Variants in GLYATL1 observed in about 807,000 individuals in gnomAD.
GLYATL1 encodes the protein glycine N-acyltransferase-like protein 1.
In GLYATL1, 15 loss-of-function variants were observed where a neutral mutation model predicts 20.0. That is an observed-to-expected ratio of 0.75 (90% CI 0.50 to 1.15). The LOEUF (loss-of-function observed/expected upper bound fraction) is 1.15, where lower values mean the gene tolerates loss of function less well. Ranked by LOEUF, GLYATL1 falls within the 50% of genes most tolerant of loss-of-function variation. GLYATL1 has a pLI of 0.00. For missense variants in GLYATL1, 380 were observed against 368.5 expected (o/e 1.03, Z -0.26); for synonymous variants, 151 against 131.5 (o/e 1.15, Z -1.01).
At chr11:58,919,888 C>T (rs1370115947) in intron 1 of GLYATL1, among the ~76,000 whole-genome samples, 4 of 152,172 alleles carry the variant, frequency 2.6e-5, no homozygotes, top group Non-Finnish European at 5.9e-5. Context: ...ATGAGTTCCT[C>T]GGTGGAACTG....
intron 1 of GLYATL1, chr11:58,943,323 G>A (rs1856307812): frequency 1.3e-6 from 2 of 1,550,602 alleles, no homozygotes; most frequent in African/African-American, 2.7e-5. Flanking sequence ...TTCAAATAAG[G>A]CAAGCGCCCA....
chr11:58,931,055 A>G (rs909896477), intron 1 of GLYATL1, among the ~76,000 whole-genome samples: 16 of 152,186 alleles, frequency 1.1e-4, no homozygotes, highest in African/African-American at 3.4e-4. Flanking sequence ...TGTACCACAG[A>G]CTATATGGCC....
chr11:58,955,168 C>T lies in GLYATL1; in HGVS notation c.314-8C>T, dbSNP rs1857296606. ...CTGACAAGATTGCTTTCTTGGCTTT[C>T]TTCCCAGGTCTTCAAGAAAGTTTAG... On this transcript the variant is annotated splice_region_variant and splice_polypyrimidine_tract_variant and intron_variant, in intron 5 of 6. Coordinates refer to ENST00000532726, the MANE Select transcript of GLYATL1 (RefSeq NM_001389712.2). 5 of 1,610,820 alleles carry T rather than the reference C, an allele frequency of 3.1e-6. No homozygotes were observed. Among genetic ancestry groups the T allele is most frequent in the Non-Finnish European group, 2.5e-6 (3 of 1,178,640 alleles).
chr11:58,949,156 T>A (rs1442840769), intron 4 of GLYATL1, among the ~76,000 whole-genome samples: 4 of 152,244 alleles, frequency 2.6e-5, no homozygotes, highest in Non-Finnish European at 5.9e-5. Flanking sequence ...TACTTCCCCT[T>A]TGTGTTTGTG....
upstream of GLYATL1, among the ~76,000 whole-genome samples, chr11:58,938,264 G>T (rs1232172632): frequency 6.6e-6 from 1 of 152,094 alleles, no homozygotes; most frequent in Non-Finnish European, 1.5e-5. Context: ...CTCAAATTTG[G>T]GAACTTTTTT....
At chr11:58,933,338 A>G (rs1352100021) in intron 1 of GLYATL1, among the ~76,000 whole-genome samples, 2 of 152,220 alleles carry the variant, frequency 1.3e-5, no homozygotes, top group Non-Finnish European at 2.9e-5. Flanking sequence ...CACTATTCCT[A>G]TAATCTCAGC....
At chr11:58,927,382 G>C (rs1855451765), upstream of GLYATL1, among the ~76,000 whole-genome samples, 1 of 152,372 alleles carries the variant, frequency 6.6e-6, no homozygotes. Flanking sequence ...GCTGTGGGCT[G>C]TCTGCAAAGC....
chr11:58,945,959 C>T (rs908535123), intron 2 of GLYATL1, among the ~76,000 whole-genome samples: 6 of 152,172 alleles, frequency 3.9e-5, no homozygotes, highest in Non-Finnish European at 8.8e-5. Context: ...TTCACCTTGC[C>T]TATTACTTAA....
At chr11:58,911,169 A>G (rs1194615331), downstream of GLYATL1, among the ~76,000 whole-genome samples, 1 of 152,084 alleles carries the variant, frequency 6.6e-6, no homozygotes, top group Non-Finnish European at 1.5e-5. Context: ...TTTCTTTTCT[A>G]TTGCTGAGTA....
chr11:58,929,533 G>C (rs1855523814), intron 1 of GLYATL1, among the ~76,000 whole-genome samples: 1 of 152,120 alleles, frequency 6.6e-6, no homozygotes, highest in Non-Finnish European at 1.5e-5. Flanking sequence ...ATATTATAGA[G>C]CTAATTTTTC....
chr11:58,930,865 T>G (rs1855572918), intron 1 of GLYATL1, among the ~76,000 whole-genome samples: 1 of 152,186 alleles, frequency 6.6e-6, no homozygotes, highest in Non-Finnish European at 1.5e-5. Flanking sequence ...AAAATATCTT[T>G]GTATTAGTTT....
chr11:58,912,395 C>T (rs145218907), downstream of GLYATL1, among the ~76,000 whole-genome samples: 103 of 152,316 alleles, frequency 6.8e-4, no homozygotes, highest in South Asian at 2.1e-3. Flanking sequence ...GCTTTTGCTT[C>T]TGGGTCTCTG....
At chr11:58,926,794 T>G (rs1283641151), upstream of GLYATL1, among the ~76,000 whole-genome samples, 1 of 152,202 alleles carries the variant, frequency 6.6e-6, no homozygotes, top group Non-Finnish European at 1.5e-5. Flanking sequence ...AGCAGAGACT[T>G]AAATTATATA....
chr11:58,929,295 G>T (rs78757398), intron 1 of GLYATL1, among the ~76,000 whole-genome samples: 1,649 of 152,246 alleles, frequency 0.011, 33 homozygotes, highest in African/African-American at 0.038. Flanking sequence ...TTCCTAGGTT[G>T]CTGATATTCT....
At chr11:58,943,301 G>A (rs1468972436) in intron 1 of GLYATL1, 13 of 1,550,330 alleles carry the variant, frequency 8.4e-6, no homozygotes, top group Non-Finnish European at 1.1e-5. Flanking sequence ...ACTGCTGAAT[G>A]TTCAAACTGT....
At chr11:58,936,425 C>G (rs1365547172), upstream of GLYATL1, among the ~76,000 whole-genome samples, 1 of 152,224 alleles carries the variant, frequency 6.6e-6, no homozygotes, top group Non-Finnish European at 1.5e-5. Context: ...TTTCTTGAAA[C>G]TAGACAATCT....
At chr11:58,955,573 G>C in intron 6 of GLYATL1, 37 bp from the exon 7 acceptor site, 1 of 1,596,564 alleles carries the variant, frequency 6.3e-7, no homozygotes, top group South Asian at 1.1e-5. Flanking sequence ...ACAGGATTGG[G>C]GATGAAAGTT....
upstream of GLYATL1, among the ~76,000 whole-genome samples, chr11:58,937,274 T>C (rs1316862252): frequency 6.6e-6 from 1 of 152,158 alleles, no homozygotes; most frequent in Non-Finnish European, 1.5e-5. Context: ...TCACCAAAGC[T>C]CCTGAATTAA....
chr11:58,915,590 C>A (rs973204671), intron 1 of GLYATL1, among the ~76,000 whole-genome samples: 1 of 152,204 alleles, frequency 6.6e-6, no homozygotes, highest in Non-Finnish European at 1.5e-5. Flanking sequence ...AATCTGAAGA[C>A]TCACCTCAGA....
Sources: allele counts gnomAD v4.1 joint callset (sites outside exome capture counted in the v4.1 genomes callset), GRCh38; gene constraint gnomAD v4.1.1; transcripts MANE v1.5; gene names NCBI Gene and HGNC (gene_info 2026-07-23, HGNC 2026-07-21).